The following IFT88 variants were observed in gnomAD, a reference collection of about 807,000 sequenced individuals.
IFT88 encodes intraflagellar transport protein 88 homolog.
IFT88 carries 74 observed loss-of-function variants against 119.5 expected under a neutral mutation model. The ratio of observed to expected loss-of-function variants is 0.62; its 90% confidence interval spans 0.51 to 0.75. The LOEUF is 0.75. Among genes scored for constraint, IFT88 ranks in the 30% least tolerant of loss-of-function variants. The pLI is 0.00. For missense variants in IFT88, 961 were observed against 977.7 expected (o/e 0.98, Z 0.23); for synonymous variants, 279 against 316.7 (o/e 0.88, Z 1.26).
intron 12 of IFT88, among the ~76,000 whole-genome samples, chr13:20,603,717 G>A (rs574502899): frequency 3.3e-5 from 5 of 152,060 alleles, no homozygotes; most frequent in African/African-American, 7.2e-5. Flanking sequence ...GCAACATGGC[G>A]AAACTCCATC....
At chr13:20,568,759 G>T (rs12858381) in intron 1 of IFT88, among the ~76,000 whole-genome samples, 14 of 151,510 alleles carry the variant, frequency 9.2e-5, no homozygotes, top group Admixed American at 1.3e-4. Flanking sequence ...ACGCTCTGTT[G>T]CCCAGGCTGG....
In IFT88 at chr13:20,567,175, C is replaced by T. The variant is rs753877939; in HGVS notation, c.-88C>T. 280 of 152,368 alleles carry T rather than the reference C, an allele frequency of 1.8e-3. 1 individual carries two copies. Among genetic ancestry groups the T allele is most frequent in the Non-Finnish European group, 2.6e-3 (179 of 68,098 alleles). 9.4% of individuals were successfully genotyped at this position (152,368 alleles called of 1,614,324 possible). Reference sequence around the variant, plus strand: ...CGGCTTCCTTGGATTCCGCGCTTGGCAACGGCTCGGCGTCGCGCTTTGGCC... The same window carrying T: ...CGGCTTCCTTGGATTCCGCGCTTGGTAACGGCTCGGCGTCGCGCTTTGGCC... On this transcript the variant is annotated 5_prime_UTR_variant, in exon 1 of 26. Coordinates refer to ENST00000351808, the MANE Select transcript of IFT88 (RefSeq NM_006531.5).
At chr13:20,597,629 A>G (rs7986514) in intron 9 of IFT88, among the ~76,000 whole-genome samples, 10,930 of 151,824 alleles carry the variant, frequency 0.072, 573 homozygotes, top group Non-Finnish European at 0.11. Flanking sequence ...CTGTAGTCCC[A>G]GCTACTTGGG....
intron 13 of IFT88, among the ~76,000 whole-genome samples, chr13:20,613,513 C>T (rs1163849572): frequency 2.0e-5 from 3 of 152,042 alleles, no homozygotes; most frequent in Admixed American, 6.6e-5. Flanking sequence ...TGTAAAACAG[C>T]ATACAAGTGC....
At chr13:20,605,223 A>G (rs908187391) in intron 13 of IFT88, 118 bp downstream of exon 13, 3 of 450,206 alleles carry the variant, frequency 6.7e-6, no homozygotes, top group African/African-American at 6.2e-5. Flanking sequence ...TTTTTATAAA[A>G]GGGTTGAATG....
intron 1 of IFT88, chr13:20,567,737 GA>G: frequency 7.7e-7 from 1 of 1,302,666 alleles, no homozygotes; most frequent in Non-Finnish European, 9.8e-7. Context: ...CAACAATGCA[GA>G]AAGCGGTACT....
At chr13:20,660,889 C>T (rs906668878) in intron 22 of IFT88, among the ~76,000 whole-genome samples, 6 of 152,138 alleles carry the variant, frequency 3.9e-5, no homozygotes, top group African/African-American at 1.4e-4. Flanking sequence ...GGGCCATCTT[C>T]ATATAAATTT....
intron 12 of IFT88, among the ~76,000 whole-genome samples, chr13:20,604,671 G>A (rs574463111): frequency 3.3e-5 from 5 of 152,288 alleles, no homozygotes; most frequent in South Asian, 2.1e-4. Context: ...ATTCAAGTTC[G>A]TGGCTGGACA....
At chr13:20,637,503 C>A (rs1052764918) in intron 16 of IFT88, among the ~76,000 whole-genome samples, 9 of 152,114 alleles carry the variant, frequency 5.9e-5, no homozygotes, top group African/African-American at 2.2e-4. Flanking sequence ...ATGGGGAGTT[C>A]TGTGGGAAGC....
chr13:20,607,222 C>A, intron 13 of IFT88: 1 of 399,974 alleles, frequency 2.5e-6, no homozygotes, highest in Non-Finnish European at 5.0e-6. Context: ...TCTCAGGCCC[C>A]GGGCCCAGTC....
At chr13:20,606,294 C>T (rs1304022963) in intron 13 of IFT88, among the ~76,000 whole-genome samples, 2 of 152,100 alleles carry the variant, frequency 1.3e-5, no homozygotes, top group Non-Finnish European at 2.9e-5. Flanking sequence ...CTTAGTGGAG[C>T]GTCAGGGCTT....
rs1352519352 is a variant in IFT88, at chr13:20,671,119, C to T, written c.2242+80C>T. On this transcript the variant is annotated intron_variant, in intron 24 of 25. Coordinates refer to ENST00000351808, the MANE Select transcript of IFT88 (RefSeq NM_006531.5). ...GCTTCTGGAAACATCTTGCAATAAT[C>T]TAAAGTGTTCTTATGTGTCTGTCGG... The T allele has an allele frequency of 2.7e-6, 3 of 1,108,522 alleles. No homozygotes were observed. The Admixed American group carries it at 5.8e-5, about 21-fold the overall frequency. The allele number at this position is 1,108,522 out of a possible 1,614,324, so 68.7% of individuals were successfully genotyped here. A position where few individuals can be genotyped will look rare whatever the true frequency, so the allele number is the denominator to read the frequency against.
intron 7 of IFT88, among the ~76,000 whole-genome samples, chr13:20,594,166 C>T (rs1213212206): frequency 2.0e-5 from 3 of 152,088 alleles, no homozygotes; most frequent in Non-Finnish European, 4.4e-5. Context: ...AATTTAACTG[C>T]TCAGTAACAT....
intron 24 of IFT88, among the ~76,000 whole-genome samples, chr13:20,685,762 TC>T (rs750344073): frequency 6.6e-6 from 1 of 152,186 alleles, no homozygotes; most frequent in Non-Finnish European, 1.5e-5. Flanking sequence ...CACTTGTAGT[TC>T]CAGCTACTCA....
intron 13 of IFT88, among the ~76,000 whole-genome samples, chr13:20,609,445 A>G (rs762855110): frequency 6.6e-6 from 1 of 152,180 alleles, no homozygotes; most frequent in Non-Finnish European, 1.5e-5. Flanking sequence ...GGTTTGCCAA[A>G]TCAGATTCTT....
chr13:20,600,489 A>C (rs1435981386), intron 11 of IFT88, among the ~76,000 whole-genome samples: 1 of 152,148 alleles, frequency 6.6e-6, no homozygotes, highest in African/African-American at 2.4e-5. Context: ...CAGTCAGGGA[A>C]ATAATAGTCT....
intron 1 of IFT88, chr13:20,567,929 T>C: frequency 1.4e-6 from 1 of 694,712 alleles, no homozygotes; most frequent in Non-Finnish European, 2.6e-6. Flanking sequence ...GTGTCCAATC[T>C]TTGGCTTCCC....
At chr13:20,614,428 A>G (rs955647559) in intron 13 of IFT88, 2 of 152,194 alleles carry the variant, frequency 1.3e-5, no homozygotes, top group Admixed American at 1.3e-4. Flanking sequence ...AATTGGATAG[A>G]TCTGAAGGGA....
intron 1 of IFT88, 77 bp from the exon 2 acceptor site, chr13:20,574,303 G>T: frequency 1.4e-6 from 1 of 717,160 alleles, no homozygotes; most frequent in South Asian, 2.3e-5. Flanking sequence ...CTGGGCAACA[G>T]AGCAAGACAT....
Sources: gnomAD v4.1 joint callset for allele counts (sites outside exome capture counted in the v4.1 genomes callset) on GRCh38, gnomAD v4.1.1 for gene constraint, MANE v1.5 for transcripts, NCBI Gene and HGNC (gene_info 2026-07-23, HGNC 2026-07-21) for gene names.